The following PTPRD variants were observed in gnomAD, a reference collection of about 807,000 sequenced individuals.
PTPRD encodes receptor-type tyrosine-protein phosphatase delta.
PTPRD carries 34 observed loss-of-function variants against 214.5 expected under a neutral mutation model. That is an observed-to-expected ratio of 0.16 (90% CI 0.12 to 0.21). The LOEUF is 0.21. Among genes scored for constraint, PTPRD ranks in the 10% least tolerant of loss-of-function variants. The probability of loss-of-function intolerance (pLI) is 1.00; values close to 1 mark genes in which losing one functional copy is unlikely to be tolerated. For synonymous variants in PTPRD, 1,128 were observed against 845.7 expected, an observed-to-expected ratio of 1.33 and a Z score of -5.79; for missense variants, 2,545 against 2,398.7, an observed-to-expected ratio of 1.06 and a Z score of -1.27.
Position 8,728,707 on chromosome 9 carries a change from C to T in PTPRD, c.64+5073G>A, listed in dbSNP as rs367983380. Among the ~76,000 whole-genome samples the T allele has an allele frequency of 8.5e-5, 13 of 152,260 alleles. No individual in the cohort carries two copies. The East Asian group carries it at 9.7e-4, about 11-fold the overall frequency. ...TTTAAAAAAATGTTTTTGGCTGGCA[C>T]GGCGGCTCACACCTGTAATACCAGC... is the stretch of plus-strand genomic sequence containing the variant. On this transcript the variant is annotated intron_variant, in intron 12 of 45. Coordinates refer to ENST00000381196, the MANE Select transcript of PTPRD (RefSeq NM_002839.4).
intron 11 of PTPRD, among the ~76,000 whole-genome samples, chr9:8,747,734 G>A (rs570851152): frequency 6.6e-6 from 1 of 152,180 alleles, no homozygotes; most frequent in East Asian, 1.9e-4. Context: ...CTAACCAATG[G>A]AAATTACTTA....
intron 5 of PTPRD, among the ~76,000 whole-genome samples, chr9:9,853,539 G>GTT (rs533529224): frequency 7.3e-5 from 11 of 151,332 alleles, no homozygotes; most frequent in South Asian, 6.3e-4. Flanking sequence ...ATTTTTAAGG[G>GTT]TTTTTTTTGT....
chr9:9,793,061 G>C (rs893267864), intron 5 of PTPRD, among the ~76,000 whole-genome samples: 1 of 152,074 alleles, frequency 6.6e-6, no homozygotes, highest in African/African-American at 2.4e-5. Flanking sequence ...TGGATACTGT[G>C]TGTGAATGGA....
intron 3 of PTPRD, among the ~76,000 whole-genome samples, chr9:10,138,858 A>T (rs958566825): frequency 2.0e-5 from 3 of 152,080 alleles, no homozygotes; most frequent in African/African-American, 7.2e-5. Flanking sequence ...TCGCTTCATG[A>T]AGTAACCCTC....
intron 9 of PTPRD, among the ~76,000 whole-genome samples, chr9:9,392,740 T>C (rs752666463): frequency 2.6e-5 from 4 of 152,202 alleles, no homozygotes; most frequent in Non-Finnish European, 4.4e-5. Context: ...CCCACTGTTA[T>C]TGGAATAAGC....
At chr9:9,413,195 A>G (rs1294089725) in intron 8 of PTPRD, among the ~76,000 whole-genome samples, 4 of 135,366 alleles carry the variant, frequency 3.0e-5, no homozygotes, top group East Asian at 2.2e-4. Flanking sequence ...GCTCACTGCA[A>G]GCTCCGCTTC....
rs1015067588 is a variant in PTPRD at position 8,528,864 on chromosome 9, C to T, written c.353-85G>A. ...AGATTCCCCAGAAATCTCTCTTTAC[C>T]TTACTCAGTGCTTGTTGAGAACCTA... On this transcript the variant is annotated intron_variant, in intron 14 of 45. Coordinates refer to ENST00000381196, the MANE Select transcript of PTPRD (RefSeq NM_002839.4). 6 of 1,343,128 alleles carry T rather than the reference C, an allele frequency of 4.5e-6. No homozygotes were observed. In the Admixed American group the frequency reaches 5.7e-5, roughly 13 times the overall value. The allele number at this position is 1,343,128 out of a possible 1,614,324, so 83.2% of individuals were successfully genotyped here.
intron 4 of PTPRD, among the ~76,000 whole-genome samples, chr9:9,959,796 G>C (rs1421203751): frequency 1.3e-5 from 2 of 152,154 alleles, no homozygotes; most frequent in Non-Finnish European, 2.9e-5. Context: ...AACCAGCAGT[G>C]AGCTTTTTCA....
intron 8 of PTPRD, among the ~76,000 whole-genome samples, chr9:9,417,697 T>C (rs567875006): frequency 1.4e-4 from 21 of 152,214 alleles, no homozygotes; most frequent in Middle Eastern, 3.4e-3. Context: ...ACATGGGAAA[T>C]GCTAGTCTAT....
chr9:8,611,456 G>T (rs953628013), intron 14 of PTPRD, among the ~76,000 whole-genome samples: 1 of 152,138 alleles, frequency 6.6e-6, no homozygotes, highest in African/African-American at 2.4e-5. Context: ...TGTAATCCCA[G>T]CACTTTGGAA....
chr9:9,843,188 A>T (rs2058735172), intron 5 of PTPRD, among the ~76,000 whole-genome samples: 1 of 152,082 alleles, frequency 6.6e-6, no homozygotes. Context: ...TTACAGAAAA[A>T]GTCTGCTACT....
intron 4 of PTPRD, among the ~76,000 whole-genome samples, chr9:10,028,970 A>C (rs1446737852): frequency 6.6e-6 from 1 of 152,096 alleles, no homozygotes; most frequent in Non-Finnish European, 1.5e-5. Flanking sequence ...GGTGGGGCCC[A>C]GGGTCCCTGG....
intron 34 of PTPRD, among the ~76,000 whole-genome samples, chr9:8,446,757 T>C (rs1202764363): frequency 6.6e-6 from 1 of 152,152 alleles, no homozygotes; most frequent in Admixed American, 6.6e-5. Context: ...ACCTAAAAAT[T>C]AGCGTCATAG....
chr9:10,084,047 A>C (rs1440950755), intron 3 of PTPRD, among the ~76,000 whole-genome samples: 1 of 151,914 alleles, frequency 6.6e-6, no homozygotes, highest in African/African-American at 2.4e-5. Context: ...AAAATCTCCT[A>C]AGCCTCTATA....
chr9:9,685,447 A>T (rs1367368180), intron 7 of PTPRD, among the ~76,000 whole-genome samples: 1 of 151,376 alleles, frequency 6.6e-6, no homozygotes, highest in East Asian at 1.9e-4. Flanking sequence ...ATTTGGAATA[A>T]ACTATTACTT....
At chr9:9,427,720 G>A (rs1034041412) in intron 8 of PTPRD, among the ~76,000 whole-genome samples, 42 of 152,198 alleles carry the variant, frequency 2.8e-4, no homozygotes, top group Non-Finnish European at 5.1e-4. Flanking sequence ...TCTCTCGGCA[G>A]AAACTCTACA....
intron 3 of PTPRD, among the ~76,000 whole-genome samples, chr9:10,176,636 A>C (rs978497296): frequency 3.3e-5 from 5 of 151,988 alleles, no homozygotes; most frequent in African/African-American, 1.2e-4. Context: ...ACAAATAATT[A>C]TCTCTCTGAG....
Position 8,317,454 on chromosome 9 carries a change from G to A in PTPRD, c.*420C>T, listed in dbSNP as rs142654193. ...TATGAGCAGTATGGTGGGAAGGGGC[G>A]ATGTCAAAGCAGAGTCCGTTTCATT... On this transcript the variant is annotated 3_prime_UTR_variant, in exon 46 of 46. Coordinates refer to ENST00000381196, the MANE Select transcript of PTPRD (RefSeq NM_002839.4). 3 of 239,418 alleles carry A rather than the reference G, an allele frequency of 1.3e-5. No homozygotes were observed. Among genetic ancestry groups the A allele is most frequent in the African/African-American group, 2.2e-5 (1 of 45,402 alleles). The allele number at this position is 239,418 out of a possible 1,614,324, so 14.8% of individuals were successfully genotyped here. A position where few individuals can be genotyped will look rare whatever the true frequency, so the allele number is the denominator to read the frequency against.
At chr9:8,752,725 CCAAT>C (rs2093646015) in intron 11 of PTPRD, among the ~76,000 whole-genome samples, 3 of 152,012 alleles carry the variant, frequency 2.0e-5, no homozygotes. Context: ...CCACTGTAGA[CCAAT>C]CATTCCCCAG....
Sources: gnomAD v4.1 joint callset for allele counts (sites outside exome capture counted in the v4.1 genomes callset) on GRCh38, gnomAD v4.1.1 for gene constraint, MANE v1.5 for transcripts, NCBI Gene and HGNC (gene_info 2026-07-23, HGNC 2026-07-21) for gene names.